The following MTUS1 variants were observed in gnomAD, a reference collection of about 807,000 sequenced individuals.
MTUS1 encodes microtubule-associated tumor suppressor 1.
Under a neutral mutation model 120.8 loss-of-function variants are expected in MTUS1, and 109 were observed. The observed-to-expected ratio is 0.90, with a 90% CI of 0.77 to 1.06. MTUS1 has a LOEUF of 1.06. Ranked by LOEUF, MTUS1 falls within the 50% of genes least tolerant of loss-of-function variation. The pLI is 0.00. For missense variants in MTUS1, 2,210 were observed against 1,486.3 expected (o/e 1.49, Z -8.01); for synonymous variants, 737 against 550.5 (o/e 1.34, Z -4.74).
intron 6 of MTUS1, among the ~76,000 whole-genome samples, chr8:17,702,663 G>C (rs1819333500): frequency 1.3e-5 from 2 of 152,126 alleles, no homozygotes; most frequent in South Asian, 4.1e-4. Flanking sequence ...ACTTAGCATA[G>C]TGTCCTCCAG....
At chr8:17,674,659 G>A (rs748945770) in intron 8 of MTUS1, 61 of 986,954 alleles carry the variant, frequency 6.2e-5, no homozygotes, top group Non-Finnish European at 7.2e-5. Flanking sequence ...GGGGCTCCCT[G>A]TGGAGCGGGG....
chr8:17,783,054 G>T (rs899783088), intron 1 of MTUS1, among the ~76,000 whole-genome samples: 21 of 151,924 alleles, frequency 1.4e-4, no homozygotes, highest in African/African-American at 4.8e-4. Flanking sequence ...CTCCAACCTG[G>T]GCGAAGAGAG....
chr8:17,791,701 C>T (rs563667467), intron 1 of MTUS1, among the ~76,000 whole-genome samples: 1 of 152,298 alleles, frequency 6.6e-6, no homozygotes, highest in African/African-American at 2.4e-5. Context: ...TGCTACAAAT[C>T]AATTCCTCCT....
chr8:17,754,167 T>C lies in MTUS1; in HGVS notation c.1641A>G (p.Ser547=). Residue 547 remains serine, a synonymous_variant, in exon 2 of 15, where the codon TCA becomes TCG. Transcript: ENST00000693296. ...TSASSPSSVN[S]RQQTVLSRTP... ...TTCTGCTCAAGACTGTTTGTTGTCT[T>C]GAATTCACTGATGAGGGTGATGAGG... The C allele has an allele frequency of 6.2e-7, 1 of 1,614,034 alleles. No individual in the cohort carries two copies. The highest frequency in any genetic ancestry group is 1.3e-5 in the African/African-American group (1 of 75,058).
upstream of MTUS1, chr8:17,801,276 G>T (rs945083563): frequency 2.0e-5 from 3 of 151,970 alleles, no homozygotes; most frequent in Non-Finnish European, 4.4e-5. Context: ...CTCCGGGGCC[G>T]CCAGGGGGTG....
chr8:17,671,112 C>T (rs113547977), intron 8 of MTUS1, among the ~76,000 whole-genome samples: 11 of 151,960 alleles, frequency 7.2e-5, no homozygotes, highest in Non-Finnish European at 1.5e-4. Flanking sequence ...ATTAGCATTC[C>T]GCTGTATGAA....
intron 4 of MTUS1, among the ~76,000 whole-genome samples, chr8:17,722,951 T>C (rs1012528120): frequency 6.6e-6 from 1 of 152,216 alleles, no homozygotes; most frequent in African/African-American, 2.4e-5. Flanking sequence ...TTTATTGGTA[T>C]TCTCATCATC....
chr8:17,687,999 C>G (rs904665912), intron 6 of MTUS1, among the ~76,000 whole-genome samples: 1 of 152,162 alleles, frequency 6.6e-6, no homozygotes, highest in Non-Finnish European at 1.5e-5. Context: ...ATGGACTAAC[C>G]GTAACCACAT....
intron 1 of MTUS1, among the ~76,000 whole-genome samples, chr8:17,798,064 A>G (rs2052390122): frequency 6.6e-6 from 1 of 152,234 alleles, no homozygotes; most frequent in Non-Finnish European, 1.5e-5. Context: ...TATAAAAAGA[A>G]GAATCTGGCA....
At chr8:17,696,541 C>A (rs903338556) in intron 6 of MTUS1, among the ~76,000 whole-genome samples, 8 of 152,150 alleles carry the variant, frequency 5.3e-5, no homozygotes, top group Non-Finnish European at 1.0e-4. Flanking sequence ...GCTGTAAAAT[C>A]ATCTAGGACA....
chr8:17,742,291 G>GC (rs1554516907), intron 3 of MTUS1, among the ~76,000 whole-genome samples: 2 of 94,700 alleles, frequency 2.1e-5, no homozygotes, highest in African/African-American at 8.6e-5. Context: ...TGTTGTTGTT[G>GC]TTTTTTTTTT....
intron 8 of MTUS1, among the ~76,000 whole-genome samples, chr8:17,660,916 A>T (rs1007630849): frequency 2.2e-4 from 34 of 152,196 alleles, no homozygotes; most frequent in African/African-American, 7.7e-4. Flanking sequence ...ACCCAAAAAG[A>T]CAGACGGAGG....
rs998176959 is a variant in MTUS1 at position 17,662,162 on chromosome 8, C to T, written c.2906-6097G>A. The stretch of plus-strand genomic sequence containing the variant: ...GTGCCACCTGTGTGTGCTCTCACTC[C>T]TATCCTCAGCCTAGTCTCTTCTTGC... On this transcript the variant is annotated intron_variant, in intron 8 of 14. Transcript: ENST00000693296. 2.6e-5 allele frequency among the ~76,000 whole-genome samples: 4 copies of T among 152,126 alleles called. No homozygotes were observed. The East Asian group carries it at 7.8e-4, about 29-fold the overall frequency.
In MTUS1 at chr8:17,722,607, C is replaced by T. The variant is rs758892283; in HGVS notation, c.2449+1065G>A. ...CAGCTACTGCTGCTAGGTGACCCGT[C>T]GGAAATGTGCTCATTAATTCGGTCA... On this transcript the variant is annotated intron_variant, in intron 4 of 14. Coordinates refer to ENST00000693296, the MANE Select transcript of MTUS1 (RefSeq NM_001363059.2). The T allele has an allele frequency of 9.5e-5, 93 of 981,104 alleles. No homozygotes were observed. The Middle Eastern group carries it at 3.2e-3, about 33-fold the overall frequency. The allele number at this position is 981,104 out of a possible 1,614,324, so 60.8% of individuals were successfully genotyped here.
intron 3 of MTUS1, among the ~76,000 whole-genome samples, chr8:17,741,985 C>T (rs1005358734): frequency 6.6e-6 from 1 of 152,194 alleles, no homozygotes; most frequent in African/African-American, 2.4e-5. Context: ...AGGGGCCACA[C>T]TCCAGTGCCA....
intron 1 of MTUS1, among the ~76,000 whole-genome samples, chr8:17,762,949 A>C (rs2049158394): frequency 6.6e-6 from 1 of 151,848 alleles, no homozygotes; most frequent in African/African-American, 2.4e-5. Context: ...GACCAGATCA[A>C]AAACAACAGT....
chr8:17,752,009 G>A (rs7459633), intron 2 of MTUS1, among the ~76,000 whole-genome samples: 124,364 of 151,964 alleles, frequency 0.82, 52,682 homozygotes, highest in Middle Eastern at 0.95. Flanking sequence ...CCAGATTCCT[G>A]AGGCGAAAAG....
intron 8 of MTUS1, among the ~76,000 whole-genome samples, chr8:17,673,286 T>A (rs951206526): frequency 2.7e-5 from 4 of 150,936 alleles, no homozygotes; most frequent in African/African-American, 9.9e-5. Flanking sequence ...CTCAAGTCTT[T>A]GGGATTCTGA....
intron 1 of MTUS1, among the ~76,000 whole-genome samples, chr8:17,775,075 C>T (rs979590967): frequency 1.3e-5 from 2 of 149,764 alleles, no homozygotes; most frequent in Admixed American, 6.7e-5. Flanking sequence ...AAAGTCAATT[C>T]GAGGTTACCA....
Sources: gnomAD v4.1 joint callset for allele counts (sites outside exome capture counted in the v4.1 genomes callset) on GRCh38, gnomAD v4.1.1 for gene constraint, MANE v1.5 for transcripts, NCBI Gene and HGNC (gene_info 2026-07-23, HGNC 2026-07-21) for gene names.